Variants in ATP8A1 observed in about 807,000 individuals in gnomAD.
The protein encoded by ATP8A1 is ATPase phospholipid transporting 8A1.
Under a neutral mutation model 177.7 loss-of-function variants are expected in ATP8A1, and 90 were observed. That is an observed-to-expected ratio of 0.51 (90% confidence interval 0.43 to 0.60). ATP8A1 has a LOEUF of 0.60. Among genes scored for constraint, ATP8A1 ranks in the 20% least tolerant of loss-of-function variants. The probability of loss-of-function intolerance (pLI) is 0.00; values close to 1 mark genes in which losing one functional copy is unlikely to be tolerated. For missense variants in ATP8A1, 1,072 were observed against 1,392.8 expected (o/e 0.77, Z 3.67); for synonymous variants, 493 against 485.9 (o/e 1.01, Z -0.19).
chr4:42,587,683 T>C (rs1214137880), intron 8 of ATP8A1, among the ~76,000 whole-genome samples: 4 of 151,370 alleles, frequency 2.6e-5, no homozygotes, highest in South Asian at 2.1e-4. Context: ...CTTGGCTCAC[T>C]GCAAGCTCCG....
intron 1 of ATP8A1, among the ~76,000 whole-genome samples, chr4:42,643,608 C>T (rs2109556000): frequency 6.6e-6 from 1 of 152,262 alleles, no homozygotes; most frequent in African/African-American, 2.4e-5. Context: ...TAGTTGAAGC[C>T]ACTATCATTT....
intron 25 of ATP8A1, among the ~76,000 whole-genome samples, chr4:42,482,268 C>T (rs1482131037): frequency 6.6e-6 from 1 of 151,626 alleles, no homozygotes; most frequent in Non-Finnish European, 1.5e-5. Context: ...CGCCACTGCA[C>T]TCTCCACCCT....
rs199868869 is a variant in ATP8A1 at position 42,472,771 on chromosome 4, AAAAG to A, written c.2325-7699_2325-7696del. The stretch of plus-strand genomic sequence containing the variant: ...TCAAAAAAAAAAAAAAAAAGAGAGA[AAAAG>A]AAAAAAAAGAGCATGGTTGAGGCAG... On this transcript the variant is annotated intron_variant, in intron 25 of 36. Coordinates refer to ENST00000381668, the MANE Select transcript of ATP8A1 (RefSeq NM_006095.2). Among the ~76,000 whole-genome samples the A allele has an allele frequency of 8.1e-3, 1,218 of 150,538 alleles. 8 individuals are homozygous for A. The highest frequency in any genetic ancestry group is 0.027 in the African/African-American group (1,103 of 41,204).
intron 22 of ATP8A1, among the ~76,000 whole-genome samples, chr4:42,520,099 A>G (rs1156374733): frequency 2.6e-5 from 4 of 152,220 alleles, no homozygotes; most frequent in South Asian, 4.1e-4. Flanking sequence ...ACAAGAAACA[A>G]AACTGTTAAA....
At chr4:42,450,027 C>A (rs893483905) in intron 30 of ATP8A1, among the ~76,000 whole-genome samples, 4 of 152,146 alleles carry the variant, frequency 2.6e-5, no homozygotes, top group Non-Finnish European at 5.9e-5. Context: ...ATAAATTTTA[C>A]TTGGAGAGCT....
chr4:42,479,996 TTGTGTGTGTGTG>T (rs376966152), intron 25 of ATP8A1, among the ~76,000 whole-genome samples: 2 of 135,590 alleles, frequency 1.5e-5, no homozygotes, highest in Non-Finnish European at 3.1e-5. Context: ...GCAGTTCTGC[TTGTGTGTGTGTG>T]TGTGTGTGTG....
chr4:42,555,126 T>TATCTATCTATCTA (rs1412931457), intron 16 of ATP8A1, among the ~76,000 whole-genome samples: 1 of 79,892 alleles, frequency 1.3e-5, no homozygotes, highest in African/African-American at 5.3e-5. Flanking sequence ...TCTATCTATC[T>TATCTATCTATCTA]ATCTATCTAT....
At chr4:42,505,299 G>T (rs998787543) in intron 23 of ATP8A1, among the ~76,000 whole-genome samples, 8 of 152,144 alleles carry the variant, frequency 5.3e-5, no homozygotes, top group African/African-American at 1.9e-4. Context: ...CATGGCTCAA[G>T]ATTCTAAATG....
chr4:42,502,688 T>A (rs12510610), intron 24 of ATP8A1, among the ~76,000 whole-genome samples: 20,422 of 152,230 alleles, frequency 0.13, 1,704 homozygotes, highest in East Asian at 0.26. Flanking sequence ...TCTGCAGTCA[T>A]TTCTTCACCA....
At chr4:42,435,437 AAAAAAAAAAAAAC>A (rs1250405499) in intron 33 of ATP8A1, among the ~76,000 whole-genome samples, 4 of 101,698 alleles carry the variant, frequency 3.9e-5, no homozygotes, top group African/African-American at 1.7e-4. Flanking sequence ...AAAAAAAAAA[AAAAAAAAAAAAAC>A]AAAAAAAAAA....
chr4:42,632,221 T>C (rs979779548), intron 1 of ATP8A1, among the ~76,000 whole-genome samples: 19 of 152,174 alleles, frequency 1.2e-4, no homozygotes, highest in African/African-American at 4.3e-4. Flanking sequence ...CCAAGGTCTG[T>C]AACTTCTTAA....
intron 1 of ATP8A1, among the ~76,000 whole-genome samples, chr4:42,656,431 T>A (rs1741626836): frequency 6.6e-6 from 1 of 151,826 alleles, no homozygotes; most frequent in African/African-American, 2.4e-5. Context: ...CAAACTCGCT[T>A]CGCTGGGAGC....
In ATP8A1 at chr4:42,575,499, T is replaced by C. The variant is rs1035989995; in HGVS notation, c.1206+123A>G. 3 of 752,638 alleles carry C rather than the reference T, an allele frequency of 4.0e-6. No homozygotes were observed. The African/African-American group carries it at 5.3e-5, about 13-fold the overall frequency. 46.6% of individuals were successfully genotyped at this position (752,638 alleles called of 1,614,324 possible). ...GAATTGTTCATCATGCACTAACAAA[T>C]ATATTATTCAAATAGTGGAAAATTA... On this transcript the variant is annotated intron_variant, in intron 13 of 36. Transcript: ENST00000381668.
Position 42,423,717 on chromosome 4 carries a change from G to A in ATP8A1, c.3124-12C>T, listed in dbSNP as rs1288766740. 1.9e-5 allele frequency: 31 copies of A among 1,599,288 alleles called. No homozygotes were observed. The highest frequency in any genetic ancestry group is 4.5e-5 in the East Asian group (2 of 44,728). The stretch of plus-strand genomic sequence containing the variant: ...AACAACATGGCTGCCTGTGTAAATC[G>A]TCAGAAAAAACATTACTTTAAAACC... On this transcript the variant is annotated splice_polypyrimidine_tract_variant and intron_variant, in intron 33 of 36. Coordinates refer to ENST00000381668, the MANE Select transcript of ATP8A1 (RefSeq NM_006095.2).
intron 29 of ATP8A1, among the ~76,000 whole-genome samples, chr4:42,454,325 T>G (rs1020153758): frequency 6.6e-6 from 1 of 152,212 alleles, no homozygotes; most frequent in Non-Finnish European, 1.5e-5. Flanking sequence ...GAAAATGCCA[T>G]TGAAAAGCTT....
chr4:42,551,619 C>G (rs1404766263), intron 17 of ATP8A1, among the ~76,000 whole-genome samples: 2 of 152,140 alleles, frequency 1.3e-5, no homozygotes, highest in African/African-American at 4.8e-5. Flanking sequence ...GAGAAAATTG[C>G]CTTCTAAACT....
intron 1 of ATP8A1, among the ~76,000 whole-genome samples, chr4:42,628,377 G>C (rs1308294461): frequency 6.6e-6 from 1 of 152,148 alleles, no homozygotes; most frequent in Non-Finnish European, 1.5e-5. Flanking sequence ...TGTGTGCAGG[G>C]GAGAGCAAAC....
intron 5 of ATP8A1, among the ~76,000 whole-genome samples, chr4:42,615,109 T>C (rs1736769960): frequency 6.6e-6 from 1 of 152,240 alleles, no homozygotes; most frequent in Non-Finnish European, 1.5e-5. Context: ...TTATAAGTTG[T>C]AAGTTGAAAT....
At chr4:42,536,902 G>A (rs534129382) in intron 20 of ATP8A1, among the ~76,000 whole-genome samples, 6 of 152,190 alleles carry the variant, frequency 3.9e-5, no homozygotes, top group East Asian at 1.9e-4. Context: ...AGGCCAAGGC[G>A]GGCAGATGAC....
Sources: allele counts gnomAD v4.1 joint callset (sites outside exome capture counted in the v4.1 genomes callset), GRCh38; gene constraint gnomAD v4.1.1; transcripts MANE v1.5; gene names NCBI Gene and HGNC (gene_info 2026-07-23, HGNC 2026-07-21).